TMEM132B: variants seen among roughly 807,000 people sequenced by gnomAD.
TMEM132B encodes the protein transmembrane protein 132B.
TMEM132B carries 18 observed loss-of-function variants against 90.8 expected under a neutral mutation model. The observed-to-expected ratio is 0.20, with a 90% CI of 0.14 to 0.29. The LOEUF is 0.29. TMEM132B is among the 10% of genes least tolerant of loss of function. The probability of loss-of-function intolerance (pLI) is 1.00; values close to 1 mark genes in which losing one functional copy is unlikely to be tolerated. For missense variants in TMEM132B, 1,096 were observed against 1,326.8 expected, an observed-to-expected ratio of 0.83 and a Z score of 2.70; for synonymous variants, 504 against 523.3, an observed-to-expected ratio of 0.96 and a Z score of 0.50.
intron 3 of TMEM132B, among the ~76,000 whole-genome samples, chr12:125,450,195 C>T (rs1482389292): frequency 6.6e-6 from 1 of 152,068 alleles, no homozygotes; most frequent in South Asian, 2.1e-4. Flanking sequence ...CTTTTGTATT[C>T]TTCCCTTTTA....
intron 2 of TMEM132B, among the ~76,000 whole-genome samples, chr12:125,412,296 G>A (rs942852931): frequency 5.9e-5 from 9 of 152,226 alleles, no homozygotes; most frequent in Non-Finnish European, 1.3e-4. Flanking sequence ...AGAACCCTCC[G>A]TGGGTACGTG....
Position 125,349,044 on chromosome 12 carries a change from T to G in TMEM132B, c.68-408T>G, listed in dbSNP as rs1420688414. ...GAGAGCAGCATAAATATCAAAGTAATAAGGCACTAACGTGTCACATACAAT... is the reference window on the plus strand; with the variant it reads ...GAGAGCAGCATAAATATCAAAGTAAGAAGGCACTAACGTGTCACATACAAT... On this transcript the variant is annotated intron_variant, in intron 1 of 8. Transcript: ENST00000682704. The surrounding 1 kb of genome is among the most constrained non-coding windows in gnomAD (Gnocchi z 4.1). Among the ~76,000 whole-genome samples, 1 of 152,200 alleles carries G rather than the reference T, an allele frequency of 6.6e-6. No homozygotes were observed. Among genetic ancestry groups the G allele is most frequent in the Non-Finnish European group, 1.5e-5 (1 of 68,036 alleles).
At chr12:125,426,218 A>G (rs1458444092) in intron 3 of TMEM132B, among the ~76,000 whole-genome samples, 1 of 152,118 alleles carries the variant, frequency 6.6e-6, no homozygotes, top group Non-Finnish European at 1.5e-5. Context: ...GTATCCTTTC[A>G]TGTGCTTATT....
intron 3 of TMEM132B, among the ~76,000 whole-genome samples, chr12:125,447,320 A>G (rs1184258344): frequency 6.6e-6 from 1 of 152,176 alleles, no homozygotes; most frequent in Non-Finnish European, 1.5e-5. Flanking sequence ...AAATAATTAA[A>G]TAATTAAAAA....
intron 1 of TMEM132B, among the ~76,000 whole-genome samples, chr12:125,240,589 C>G (rs889253414): frequency 6.6e-6 from 1 of 152,096 alleles, no homozygotes; most frequent in Non-Finnish European, 1.5e-5. Flanking sequence ...GCATTGACCT[C>G]TTGGTTCAAG....
chr12:125,374,543 T>C (rs1402827328), intron 2 of TMEM132B, among the ~76,000 whole-genome samples: 2 of 152,102 alleles, frequency 1.3e-5, no homozygotes, highest in Non-Finnish European at 2.9e-5. Context: ...ACGGTGAGGC[T>C]CACAGAGAGG....
Position 125,583,920 on chromosome 12 carries a change from G to T in TMEM132B, c.1363G>T (p.Val455Phe), listed in dbSNP as rs754229646. 1 of 1,614,160 alleles carries T rather than the reference G, an allele frequency of 6.2e-7. No individual in the cohort carries two copies. Among genetic ancestry groups the T allele is most frequent in the Non-Finnish European group, 8.5e-7 (1 of 1,180,036 alleles). ...PVSVPVKVVGVQEDGSVVDVS... is the reference protein window; with the variant it reads ...PVSVPVKVVGFQEDGSVVDVS... The stretch of plus-strand genomic sequence containing the variant: ...TTCAGTTCCTGTCAAAGTCGTGGGG[G>T]TCCAGGAGGATGGTTCTGTGGTCGA... The change falls in exon 5 of 9, where the codon GTC (valine) becomes TTC (phenylalanine). Residue 455 changes from valine (V) to phenylalanine (F), a missense_variant. Coordinates refer to ENST00000682704, the MANE Select transcript of TMEM132B (RefSeq NM_001366854.1).
At chr12:125,579,207 T>C (rs1460416263) in intron 4 of TMEM132B, among the ~76,000 whole-genome samples, 1 of 152,164 alleles carries the variant, frequency 6.6e-6, no homozygotes, top group Non-Finnish European at 1.5e-5. Flanking sequence ...CTGATTCTTT[T>C]TTTCTGTCTG....
At chr12:125,195,270 G>A (rs1872898771) in intron 1 of TMEM132B, among the ~76,000 whole-genome samples, 2 of 152,126 alleles carry the variant, frequency 1.3e-5, no homozygotes, top group Admixed American at 6.5e-5. Flanking sequence ...TAGCATTAAG[G>A]TGGAGAGAGA....
intron 3 of TMEM132B, among the ~76,000 whole-genome samples, chr12:125,508,780 CTTT>C (rs756913141): frequency 3.7e-5 from 5 of 135,944 alleles, no homozygotes; most frequent in Non-Finnish European, 3.2e-5. Flanking sequence ...TTCTTTCTTT[CTTT>C]TTTTTTTTTT....
rs867752216 is a variant in TMEM132B at position 125,583,342 on chromosome 12, G to T, written c.1294-509G>T. Among the ~76,000 whole-genome samples, 8 of 152,248 alleles carry T rather than the reference G, an allele frequency of 5.3e-5. 1 individual carries two copies. The Middle Eastern group carries it at 0.024, about 453-fold the overall frequency. On this transcript the variant is annotated intron_variant, in intron 4 of 8. Transcript: ENST00000682704. Reference sequence around the variant, plus strand: ...TGGAGGTGTCGGGGAGGTGGGGTGTGGCAGTCAGCTTGGGTGTGTAGAGGT... The same window carrying T: ...TGGAGGTGTCGGGGAGGTGGGGTGTTGCAGTCAGCTTGGGTGTGTAGAGGT...
At chr12:125,642,500 A>G (rs562173243) in intron 5 of TMEM132B, among the ~76,000 whole-genome samples, 93 of 152,304 alleles carry the variant, frequency 6.1e-4, no homozygotes, top group African/African-American at 2.1e-3. Flanking sequence ...GGGATGAGAG[A>G]CACATTAGCT....
chr12:125,505,225 C>A (rs144226424), intron 3 of TMEM132B, among the ~76,000 whole-genome samples: 9 of 139,532 alleles, frequency 6.5e-5, no homozygotes, highest in Admixed American at 3.6e-4. Context: ...CAAAGGTGAC[C>A]CAGATAATGG....
At chr12:125,583,052 T>C (rs934013454) in intron 4 of TMEM132B, among the ~76,000 whole-genome samples, 10 of 152,208 alleles carry the variant, frequency 6.6e-5, no homozygotes, top group Admixed American at 3.9e-4. Context: ...CTGCATTATA[T>C]TGAAACAAAA....
At chr12:125,337,989 C>G (rs558969214) in intron 1 of TMEM132B, among the ~76,000 whole-genome samples, 1 of 152,372 alleles carries the variant, frequency 6.6e-6, no homozygotes, top group East Asian at 1.9e-4. Flanking sequence ...TAAATGTAGA[C>G]AGCAGCGCTC....
intron 1 of TMEM132B, among the ~76,000 whole-genome samples, chr12:125,302,599 A>T (rs999071561): frequency 2.0e-5 from 3 of 152,156 alleles, no homozygotes; most frequent in African/African-American, 7.2e-5. Flanking sequence ...AAAGTCTGGG[A>T]TGGGACTCTG....
intron 4 of TMEM132B, 151 bp downstream of exon 4, chr12:125,519,776 A>T (rs1883260687): frequency 1.3e-6 from 1 of 785,460 alleles, no homozygotes; most frequent in African/African-American, 1.7e-5. Context: ...TGCTTTTCAT[A>T]ATGGCTCCTT....
chr12:125,660,856 T>A lies in TMEM132B; in HGVS notation c.*6146T>A, dbSNP rs1444363222. 1.3e-5 allele frequency: 2 copies of A among 152,224 alleles called. No individual in the cohort carries two copies. The highest frequency in any genetic ancestry group is 1.3e-4 in the Admixed American group (2 of 15,282). 9.4% of individuals were successfully genotyped at this position (152,224 alleles called of 1,614,324 possible). A position where few individuals can be genotyped will look rare whatever the true frequency, so the allele number is the denominator to read the frequency against. ...AGAGTCTCACGGGAGTCTCTTTAGATGCTGCAGGAACTGAGAGGATAGAAG... is the reference window on the plus strand; with the variant it reads ...AGAGTCTCACGGGAGTCTCTTTAGAAGCTGCAGGAACTGAGAGGATAGAAG... On this transcript the variant is annotated 3_prime_UTR_variant, in exon 9 of 9. Transcript: ENST00000682704.
intron 1 of TMEM132B, among the ~76,000 whole-genome samples, chr12:125,241,898 A>T (rs1565982097): frequency 6.6e-6 from 1 of 152,160 alleles, no homozygotes; most frequent in Non-Finnish European, 1.5e-5. Flanking sequence ...TGTTCAAGGG[A>T]GGTCTCCTTC....
Sources: allele counts gnomAD v4.1 joint callset (sites outside exome capture counted in the v4.1 genomes callset), GRCh38; gene constraint gnomAD v4.1.1; non-coding constraint Gnocchi (gnomAD v3.1); transcripts MANE v1.5; gene names NCBI Gene and HGNC (gene_info 2026-07-23, HGNC 2026-07-21).